Variants in DISC1 observed in about 807,000 individuals in gnomAD.
The protein encoded by DISC1 is DISC1 scaffold protein, also known as disrupted in schizophrenia 1 protein.
A neutral mutation model predicts 84.5 loss-of-function variants in DISC1; 57 were observed. The ratio of observed to expected loss-of-function variants is 0.67; its 90% CI spans 0.55 to 0.84. DISC1 has a LOEUF of 0.84. Ranked by LOEUF, DISC1 falls within the 40% of genes least tolerant of loss-of-function variation. The pLI, the probability that DISC1 is intolerant of heterozygous loss-of-function variation, is 0.00. For missense variants in DISC1, 1,000 were observed against 1,057.8 expected (o/e 0.95, Z 0.76); for synonymous variants, 411 against 415.2 (o/e 0.99, Z 0.12).
intron 11 of DISC1, among the ~76,000 whole-genome samples, chr1:232,024,353 G>A (rs1309947928): frequency 2.0e-5 from 3 of 152,030 alleles, no homozygotes; most frequent in African/African-American, 7.2e-5. Context: ...TTTATTCTAA[G>A]GTAGTTGGCC....
intron 3 of DISC1, chr1:231,723,474 T>A: frequency 3.0e-6 from 3 of 985,552 alleles, no homozygotes; most frequent in Non-Finnish European, 3.6e-6. Flanking sequence ...ATTTCTGGTC[T>A]GGTTTAAGTG....
chr1:231,853,554 C>T (rs1486217514), intron 9 of DISC1, among the ~76,000 whole-genome samples: 4 of 152,186 alleles, frequency 2.6e-5, no homozygotes, highest in East Asian at 3.9e-4. Flanking sequence ...CATACATGGT[C>T]TATTGCTGAT....
At chr1:231,754,339 C>T (rs1163208337) in intron 4 of DISC1, among the ~76,000 whole-genome samples, 1 of 152,202 alleles carries the variant, frequency 6.6e-6, no homozygotes, top group Non-Finnish European at 1.5e-5. Context: ...CATGATCTGG[C>T]ATCTGCTCTG....
rs11122392 is a variant in DISC1, at chr1:232,019,105, G to A, written c.2308-7330G>A. On this transcript the variant is annotated intron_variant, in intron 11 of 12. Coordinates refer to ENST00000439617, the MANE Select transcript of DISC1 (RefSeq NM_018662.3). Reference sequence around the variant, plus strand: ...GGTAGGACGACGGAGGCAGGGCCAGGACCTCATCATCTGGTGAGGGAGACA... The same window carrying A: ...GGTAGGACGACGGAGGCAGGGCCAGAACCTCATCATCTGGTGAGGGAGACA... 3.2e-3 allele frequency among the ~76,000 whole-genome samples: 482 copies of A among 152,258 alleles called. 1 individual carries two copies. Among genetic ancestry groups the A allele is most frequent in the African/African-American group, 0.011 (455 of 41,538 alleles).
chr1:231,983,056 GC>G (rs1308550430), intron 10 of DISC1, among the ~76,000 whole-genome samples: 2 of 152,148 alleles, frequency 1.3e-5, no homozygotes, highest in African/African-American at 2.4e-5. Context: ...AGGGTTTCCT[GC>G]CCCCAAGATA....
chr1:231,750,156 G>A (rs993885728), intron 4 of DISC1, 80 bp downstream of exon 4: 17 of 1,543,100 alleles, frequency 1.1e-5, no homozygotes, highest in Non-Finnish European at 1.5e-5. Context: ...GAGCTGGGAG[G>A]AGCTTAGCTG....
At chr1:231,971,376 AC>A (rs1661931250) in intron 10 of DISC1, among the ~76,000 whole-genome samples, 2 of 152,052 alleles carry the variant, frequency 1.3e-5, no homozygotes, top group African/African-American at 4.8e-5. Context: ...TAAAAGTAAA[AC>A]CCCTCATGGA....
chr1:231,948,606 A>T (rs1043498040), intron 9 of DISC1, among the ~76,000 whole-genome samples: 16 of 137,622 alleles, frequency 1.2e-4, no homozygotes, highest in Admixed American at 2.1e-4. Context: ...AAGTATAATT[A>T]AAAAAAAAAG....
chr1:231,774,204 T>C (rs2076779385), intron 6 of DISC1, among the ~76,000 whole-genome samples: 1 of 151,812 alleles, frequency 6.6e-6, no homozygotes, highest in South Asian at 2.1e-4. Flanking sequence ...CAGTGAACTA[T>C]GATTGTGCCA....
intron 9 of DISC1, among the ~76,000 whole-genome samples, chr1:231,874,500 A>G (rs918319312): frequency 6.6e-6 from 1 of 152,102 alleles, no homozygotes; most frequent in African/African-American, 2.4e-5. Context: ...GGCCTGGCCA[A>G]AGACTTCCTA....
intron 12 of DISC1, among the ~76,000 whole-genome samples, chr1:232,033,188 T>A (rs1670214814): frequency 6.6e-6 from 1 of 152,182 alleles, no homozygotes. Context: ...AATACAGATG[T>A]GTTTTTCTAA....
intron 10 of DISC1, among the ~76,000 whole-genome samples, chr1:232,006,411 TG>T (rs141320218): frequency 0.033 from 5,033 of 152,238 alleles, 274 homozygotes; most frequent in African/African-American, 0.11. Context: ...AGGAACTTGT[TG>T]GGAACTGGAG....
chr1:231,883,336 G>T (rs1315299708), intron 9 of DISC1, among the ~76,000 whole-genome samples: 4 of 152,132 alleles, frequency 2.6e-5, no homozygotes, highest in African/African-American at 9.7e-5. Flanking sequence ...CCTCCCCCCA[G>T]CAACCCCTTG....
At position 231,734,417 on chromosome 1, in the gene DISC1, G is replaced by T. The variant is rs1223802928; in HGVS notation, c.1118-15509G>T. 3.9e-5 allele frequency among the ~76,000 whole-genome samples: 6 copies of T among 152,062 alleles called. No individual in the cohort carries two copies. The East Asian group carries it at 1.2e-3, about 29-fold the overall frequency. On this transcript the variant is annotated intron_variant, in intron 3 of 12. Coordinates refer to ENST00000439617, the MANE Select transcript of DISC1 (RefSeq NM_018662.3). The stretch of plus-strand genomic sequence containing the variant: ...GAAGCTTGTGATCCTGAGAAATTTT[G>T]TGTTTTCTGTGTTGTCTATAAACTG...
chr1:231,814,616 T>C (rs1395578632), intron 8 of DISC1, among the ~76,000 whole-genome samples: 2 of 152,190 alleles, frequency 1.3e-5, no homozygotes, highest in East Asian at 1.9e-4. Context: ...CTGTGAACCA[T>C]TGAAGTTGAT....
At chr1:231,957,916 A>G (rs986965702) in intron 9 of DISC1, among the ~76,000 whole-genome samples, 2 of 152,156 alleles carry the variant, frequency 1.3e-5, no homozygotes, top group Non-Finnish European at 2.9e-5. Flanking sequence ...CTGTGTTTCC[A>G]CATTCTCCAA....
intron 9 of DISC1, among the ~76,000 whole-genome samples, chr1:231,933,900 T>G (rs2090823022): frequency 6.6e-6 from 1 of 152,190 alleles, no homozygotes; most frequent in African/African-American, 2.4e-5. Flanking sequence ...AGAGCCTCCC[T>G]TGAGACCGGC....
chr1:231,794,349 C>A lies in DISC1; in HGVS notation c.1635-893C>A, dbSNP rs116368901. On this transcript the variant is annotated intron_variant, in intron 6 of 12. Transcript: ENST00000439617. Reference sequence around the variant, plus strand: ...TAAATTGCTGCACAAGTTATTTTCTCCATTGCTCAAGGCAGACAATATTCT... The same window carrying A: ...TAAATTGCTGCACAAGTTATTTTCTACATTGCTCAAGGCAGACAATATTCT... Among the ~76,000 whole-genome samples the A allele has an allele frequency of 2.9e-3, 435 of 152,232 alleles. 2 individuals are homozygous for A. Among genetic ancestry groups the A allele is most frequent in the African/African-American group, 9.9e-3 (412 of 41,528 alleles).
chr1:231,648,325 T>C (rs1479265303), intron 1 of DISC1, among the ~76,000 whole-genome samples: 2 of 152,250 alleles, frequency 1.3e-5, no homozygotes, highest in Non-Finnish European at 2.9e-5. Flanking sequence ...TCATGTGTTT[T>C]TTTTCATTGG....
Sources: allele counts gnomAD v4.1 joint callset (sites outside exome capture counted in the v4.1 genomes callset), GRCh38; gene constraint gnomAD v4.1.1; transcripts MANE v1.5; gene names NCBI Gene and HGNC (gene_info 2026-07-23, HGNC 2026-07-21).